TLK2: variants seen among roughly 807,000 people sequenced by gnomAD.
TLK2 encodes the protein serine/threonine-protein kinase tousled-like 2.
TLK2 carries 6 observed loss-of-function variants against 117.3 expected under a neutral mutation model. The ratio of observed to expected loss-of-function variants is 0.05; its 90% CI spans 0.03 to 0.10. The LOEUF (loss-of-function observed/expected upper bound fraction) is 0.10. Ranked by LOEUF, TLK2 falls within the 10% of genes least tolerant of loss-of-function variation. The pLI, the probability that TLK2 is intolerant of heterozygous loss-of-function variation, is 1.00. For missense variants in TLK2, 299 were observed against 901.2 expected, an observed-to-expected ratio of 0.33 and a Z score of 8.56; for synonymous variants, 257 against 316.7, an observed-to-expected ratio of 0.81 and a Z score of 2.00.
upstream of TLK2, among the ~76,000 whole-genome samples, chr17:62,474,700 C>T (rs562848382): frequency 2.6e-5 from 4 of 152,166 alleles, no homozygotes; most frequent in East Asian, 1.9e-4. Flanking sequence ...TGAGCCACCG[C>T]GCCCGGCCTA....
chr17:62,538,598 C>T (rs116914451), intron 7 of TLK2, among the ~76,000 whole-genome samples: 2 of 152,274 alleles, frequency 1.3e-5, no homozygotes, highest in East Asian at 1.9e-4. Flanking sequence ...GGTGGATGCA[C>T]GTGAAGGACC....
At chr17:62,595,365 C>G (rs866781184) in intron 16 of TLK2, among the ~76,000 whole-genome samples, 1 of 148,998 alleles carries the variant, frequency 6.7e-6, no homozygotes. Context: ...AATACATAAA[C>G]CAATAATGTA....
At chr17:62,551,905 A>C in intron 7 of TLK2, 1 of 282,328 alleles carries the variant, frequency 3.5e-6, no homozygotes, top group South Asian at 3.4e-5. Context: ...GACTATTCTG[A>C]ATAGTGGTTC....
At chr17:62,594,343 G>A (rs983959404) in intron 16 of TLK2, among the ~76,000 whole-genome samples, 5 of 152,126 alleles carry the variant, frequency 3.3e-5, no homozygotes, top group South Asian at 2.1e-4. Flanking sequence ...GGAAGGCAAA[G>A]ACCACAGTGA....
At chr17:62,551,443 C>T (rs1182982747) in intron 7 of TLK2, among the ~76,000 whole-genome samples, 1 of 152,086 alleles carries the variant, frequency 6.6e-6, no homozygotes, top group East Asian at 1.9e-4. Context: ...TGGTGGCTCA[C>T]GCCTGTAATC....
Position 62,520,774 on chromosome 17 carries a change from G to T in TLK2, c.83G>T (p.Gly28Val). Residue 28 changes from glycine to valine, a missense_variant and splice_region_variant, in exon 3 of 22, where the codon GGA (glycine) becomes GTA (valine). Coordinates refer to ENST00000346027, the MANE Select transcript of TLK2 (RefSeq NM_006852.6). ...ATTTATGATTTTTTTTTCTTTCAGG[G>T]ACCACTTAATAGTGAGTCTTCCAAC... ...ARFTGVGVSK[G>V]PLNSESSNQS... 3 of 1,610,708 alleles carry T rather than the reference G, an allele frequency of 1.9e-6. No homozygotes were observed. In the South Asian group the frequency reaches 3.3e-5, roughly 18 times the overall value.
chr17:62,607,389 C>T (rs912917856), intron 20 of TLK2, among the ~76,000 whole-genome samples: 1 of 151,240 alleles, frequency 6.6e-6, no homozygotes, highest in Non-Finnish European at 1.5e-5. Flanking sequence ...ATTAGCCGGG[C>T]GTGGTGGCGG....
chr17:62,485,777 G>A (rs2072272001), intron 2 of TLK2, among the ~76,000 whole-genome samples: 1 of 148,950 alleles, frequency 6.7e-6, no homozygotes, highest in East Asian at 2.0e-4. Flanking sequence ...GTTTTGAGGT[G>A]ATAAGGTTAA....
intron 20 of TLK2, among the ~76,000 whole-genome samples, chr17:62,606,692 G>A (rs2083327341): frequency 6.6e-6 from 1 of 152,172 alleles, no homozygotes; most frequent in African/African-American, 2.4e-5. Context: ...CTATACTGGG[G>A]AGATGGTGTC....
chr17:62,610,890 A>G (rs1232493654), intron 21 of TLK2, among the ~76,000 whole-genome samples: 12 of 152,186 alleles, frequency 7.9e-5, no homozygotes, highest in Non-Finnish European at 1.0e-4. Context: ...TCACACCTGT[A>G]ATCCTATGGG....
intron 16 of TLK2, among the ~76,000 whole-genome samples, chr17:62,590,028 C>T (rs1310832966): frequency 2.0e-5 from 3 of 149,890 alleles, no homozygotes; most frequent in Non-Finnish European, 4.4e-5. Context: ...AGGATGGTCT[C>T]GATCTCCTGA....
In TLK2 at chr17:62,588,582, CA is replaced by C. The variant is rs1388851714; in HGVS notation, c.1460+2357del. Among the ~76,000 whole-genome samples, 11 of 152,204 alleles carry C rather than the reference CA, an allele frequency of 7.2e-5. No individual in the cohort carries two copies. In the East Asian group the frequency reaches 2.1e-3, roughly 29 times the overall value. Reference sequence around the variant, plus strand: ...TGAGGAGGGGGCATTTCCTATTTGGCAGACACCTTGGGGAGAGGGTGTGTGA... The same window carrying C: ...TGAGGAGGGGGCATTTCCTATTTGGCGACACCTTGGGGAGAGGGTGTGTGA... On this transcript the variant is annotated intron_variant, in intron 16 of 21. Transcript: ENST00000346027.
At chr17:62,523,260 C>A in intron 5 of TLK2, 83 bp downstream of exon 5, 1 of 1,523,914 alleles carries the variant, frequency 6.6e-7, no homozygotes. Flanking sequence ...AACCCTAAAT[C>A]CTTGTGTTCA....
At chr17:62,612,147 C>A (rs757958891) in intron 21 of TLK2, 2 of 376,240 alleles carry the variant, frequency 5.3e-6, no homozygotes, top group Non-Finnish European at 9.5e-6. Flanking sequence ...TTTTTCCTCC[C>A]TTCAGTAATG....
At chr17:62,611,075 G>A (rs1057277185) in intron 21 of TLK2, among the ~76,000 whole-genome samples, 2 of 152,112 alleles carry the variant, frequency 1.3e-5, no homozygotes, top group African/African-American at 4.8e-5. Context: ...GAGTTTGAGA[G>A]TACAATGAGC....
chr17:62,595,208 C>T (rs910007743), intron 16 of TLK2, among the ~76,000 whole-genome samples: 8 of 151,512 alleles, frequency 5.3e-5, no homozygotes, highest in African/African-American at 1.9e-4. Flanking sequence ...GGTGATCCAG[C>T]GACCTCAGGT....
At chr17:62,583,691 G>T (rs770678383) in intron 15 of TLK2, among the ~76,000 whole-genome samples, 1 of 151,232 alleles carries the variant, frequency 6.6e-6, no homozygotes, top group Non-Finnish European at 1.5e-5. Flanking sequence ...GATTCTCCTG[G>T]CTCAGCCTCC....
chr17:62,563,922 G>A (rs2079512099), intron 10 of TLK2, among the ~76,000 whole-genome samples: 1 of 152,096 alleles, frequency 6.6e-6, no homozygotes, highest in Non-Finnish European at 1.5e-5. Context: ...TCCAAAGTTT[G>A]GTAGCAGAGA....
intron 8 of TLK2, 129 bp from the exon 9 acceptor site, chr17:62,553,534 A>G (rs2078629905): frequency 2.1e-5 from 14 of 677,530 alleles, no homozygotes; most frequent in Admixed American, 2.7e-5. Context: ...TTCTTAAGCC[A>G]TGTGATTCTA....
Sources: gnomAD v4.1 joint callset for allele counts (sites outside exome capture counted in the v4.1 genomes callset) on GRCh38, gnomAD v4.1.1 for gene constraint, MANE v1.5 for transcripts, NCBI Gene and HGNC (gene_info 2026-07-23, HGNC 2026-07-21) for gene names.